Variants in MORC1 observed in about 807,000 individuals in gnomAD.
The protein encoded by MORC1 is MORC family CW-type zinc finger protein 1.
MORC1 carries 59 observed loss-of-function variants against 134.9 expected under a neutral mutation model. The observed-to-expected ratio is 0.44, with a 90% CI of 0.35 to 0.54. The LOEUF (loss-of-function observed/expected upper bound fraction) is 0.54, where lower values mean the gene tolerates loss of function less well. MORC1 is among the 20% of genes least tolerant of loss of function. MORC1 has a pLI of 0.00. For synonymous variants in MORC1, 395 were observed against 391.7 expected (o/e 1.01, Z -0.10); for missense variants, 947 against 1,134.5 (o/e 0.83, Z 2.37).
At chr3:108,972,879 G>A (rs1032263737) in intron 24 of MORC1, among the ~76,000 whole-genome samples, 5 of 152,042 alleles carry the variant, frequency 3.3e-5, no homozygotes, top group South Asian at 2.1e-4. Flanking sequence ...CTAAGAAAAC[G>A]CTCTTAGACA....
intron 24 of MORC1, among the ~76,000 whole-genome samples, chr3:108,973,765 T>A (rs1947463747): frequency 6.6e-6 from 1 of 151,594 alleles, no homozygotes; most frequent in Non-Finnish European, 1.5e-5. Flanking sequence ...CCCAGCTCAT[T>A]TTTGTTATTT....
chr3:108,996,144 T>C (rs1948199343), intron 21 of MORC1, among the ~76,000 whole-genome samples: 2 of 152,118 alleles, frequency 1.3e-5, no homozygotes, highest in South Asian at 4.2e-4. Context: ...AAAAGAATAC[T>C]TGCCTCTCAG....
chr3:108,979,768 G>C, intron 23 of MORC1, 101 bp from the exon 24 acceptor site: 2 of 1,384,722 alleles, frequency 1.4e-6, no homozygotes, highest in Non-Finnish European at 2.0e-6. Context: ...CAACAAATGA[G>C]AACAAGAACA....
intron 13 of MORC1, among the ~76,000 whole-genome samples, chr3:109,056,186 A>G (rs1949956276): frequency 6.6e-6 from 1 of 152,208 alleles, no homozygotes; most frequent in Non-Finnish European, 1.5e-5. Context: ...TATTCTGAGT[A>G]CACTGGGATT....
chr3:109,106,559 A>T (rs1342070539), intron 3 of MORC1, among the ~76,000 whole-genome samples: 1 of 152,072 alleles, frequency 6.6e-6, no homozygotes, highest in Non-Finnish European at 1.5e-5. Flanking sequence ...CCCACGTTAG[A>T]CTTTCTCCTC....
At chr3:109,013,357 G>A (rs1189659210) in intron 17 of MORC1, among the ~76,000 whole-genome samples, 2 of 152,060 alleles carry the variant, frequency 1.3e-5, no homozygotes, top group African/African-American at 4.8e-5. Context: ...TAAGTGGAGG[G>A]CAAATTTCTA....
chr3:109,043,802 T>C (rs1205250643), intron 14 of MORC1, among the ~76,000 whole-genome samples: 1 of 152,176 alleles, frequency 6.6e-6, no homozygotes, highest in Admixed American at 6.5e-5. Context: ...CTTGACAAAA[T>C]GCCTCATTAA....
chr3:108,966,627 A>G (rs549358803), intron 26 of MORC1, among the ~76,000 whole-genome samples: 1 of 152,314 alleles, frequency 6.6e-6, no homozygotes, highest in South Asian at 2.1e-4. Flanking sequence ...ATGCTAAAAC[A>G]AAGTTTTAAG....
intron 27 of MORC1, among the ~76,000 whole-genome samples, chr3:108,961,683 A>G (rs887491641): frequency 1.3e-5 from 2 of 152,188 alleles, no homozygotes; most frequent in South Asian, 4.1e-4. Context: ...AGATTAGGCA[A>G]AAGAGTTTCA....
At chr3:109,047,026 C>T (rs1949710962) in intron 14 of MORC1, among the ~76,000 whole-genome samples, 1 of 151,942 alleles carries the variant, frequency 6.6e-6, no homozygotes, top group Non-Finnish European at 1.5e-5. Context: ...TGTTTAAAGC[C>T]ATAATGGAAA....
chr3:109,063,956 GAAT>G (rs1950139536), intron 9 of MORC1, among the ~76,000 whole-genome samples: 1 of 152,020 alleles, frequency 6.6e-6, no homozygotes, highest in East Asian at 1.9e-4. Flanking sequence ...AAAAATTCTA[GAAT>G]AATATTTGGT....
intron 14 of MORC1, among the ~76,000 whole-genome samples, chr3:109,044,590 T>C (rs571613012): frequency 3.3e-4 from 49 of 150,004 alleles, no homozygotes; most frequent in African/African-American, 1.2e-3. Flanking sequence ...AATAATTTAC[T>C]GAAAATTTGC....
intron 23 of MORC1, among the ~76,000 whole-genome samples, chr3:108,981,337 T>C (rs1222282007): frequency 2.0e-5 from 3 of 152,232 alleles, no homozygotes; most frequent in Admixed American, 6.5e-5. Context: ...GTGCTTCTAC[T>C]GTCAACAGCT....
intron 3 of MORC1, among the ~76,000 whole-genome samples, chr3:109,107,012 G>A (rs371289752): frequency 6.6e-6 from 1 of 152,100 alleles, no homozygotes; most frequent in African/African-American, 2.4e-5. Context: ...TGCCCATACT[G>A]CCACCTTCCA....
chr3:109,010,980 G>A (rs77658320), intron 17 of MORC1, among the ~76,000 whole-genome samples: 132 of 152,266 alleles, frequency 8.7e-4, no homozygotes, highest in African/African-American at 2.9e-3. Flanking sequence ...CAAGTTTTGC[G>A]GTGGATATAT....
intron 21 of MORC1, among the ~76,000 whole-genome samples, chr3:108,999,028 G>A (rs1413318104): frequency 1.3e-5 from 2 of 152,208 alleles, no homozygotes; most frequent in African/African-American, 4.8e-5. Context: ...TGAAAAGCAA[G>A]TGGTGAACAG....
chr3:109,112,275 T>C (rs1409535218), intron 2 of MORC1, among the ~76,000 whole-genome samples: 6 of 152,220 alleles, frequency 3.9e-5, no homozygotes, highest in Admixed American at 3.9e-4. Context: ...TAACAAATCC[T>C]TCCTATATCA....
intron 14 of MORC1, among the ~76,000 whole-genome samples, chr3:109,052,534 G>A (rs1399643656): frequency 6.6e-6 from 1 of 152,136 alleles, no homozygotes; most frequent in Admixed American, 6.6e-5. Flanking sequence ...AGCTTCGGCA[G>A]GAAATCTGTC....
At chr3:109,066,838 A>C (rs1450948145) in intron 9 of MORC1, among the ~76,000 whole-genome samples, 1 of 152,224 alleles carries the variant, frequency 6.6e-6, no homozygotes, top group Admixed American at 6.5e-5. Flanking sequence ...AGTAATTGCC[A>C]AAGGTCCACA....
Sources: allele counts gnomAD v4.1 joint callset (sites outside exome capture counted in the v4.1 genomes callset), GRCh38; gene constraint gnomAD v4.1.1; transcripts MANE v1.5; gene names NCBI Gene and HGNC (gene_info 2026-07-23, HGNC 2026-07-21).